ROBO2: variants seen among roughly 807,000 people sequenced by gnomAD.
ROBO2 encodes the protein roundabout homolog 2.
In ROBO2, 53 loss-of-function variants were observed where a neutral mutation model predicts 160.8. That is an observed-to-expected ratio of 0.33 (90% CI 0.26 to 0.41). ROBO2 has a LOEUF of 0.41. Among genes scored for constraint, ROBO2 ranks in the 10% least tolerant of loss-of-function variants. The pLI is 1.00. For missense variants in ROBO2, 1,577 were observed against 1,722.4 expected, an observed-to-expected ratio of 0.92 and a Z score of 1.49; for synonymous variants, 664 against 611.7, an observed-to-expected ratio of 1.09 and a Z score of -1.26.
intron 2 of ROBO2, among the ~76,000 whole-genome samples, chr3:77,287,904 G>C (rs1024663236): frequency 6.6e-6 from 1 of 152,124 alleles, no homozygotes; most frequent in African/African-American, 2.4e-5. Flanking sequence ...ACCACGTACA[G>C]ATTTCATTTT....
chr3:76,462,594 AACTT>A (rs1452487184), intron 2 of ROBO2, among the ~76,000 whole-genome samples: 1 of 148,054 alleles, frequency 6.8e-6, no homozygotes, highest in Non-Finnish European at 1.5e-5. Flanking sequence ...TGTACCCTAA[AACTT>A]AAAGTATTAA....
chr3:76,094,628 T>C (rs1376977860), intron 2 of ROBO2, among the ~76,000 whole-genome samples: 1 of 152,222 alleles, frequency 6.6e-6, no homozygotes, highest in East Asian at 1.9e-4. Flanking sequence ...ACCCCATTGT[T>C]TCTTTGAAAG....
intron 18 of ROBO2, among the ~76,000 whole-genome samples, chr3:77,596,059 T>TA (rs919657558): frequency 6.6e-6 from 1 of 151,816 alleles, no homozygotes; most frequent in African/African-American, 2.4e-5. Flanking sequence ...TTATTACCTT[T>TA]AAAAAAAACC....
At chr3:76,583,997 C>G (rs1405754118) in intron 2 of ROBO2, among the ~76,000 whole-genome samples, 1 of 152,140 alleles carries the variant, frequency 6.6e-6, no homozygotes. Flanking sequence ...ATTTCTTCAT[C>G]TGGGATAGCG....
chr3:76,256,745 A>G (rs1165245996), intron 2 of ROBO2, among the ~76,000 whole-genome samples: 4 of 151,862 alleles, frequency 2.6e-5, no homozygotes, highest in Non-Finnish European at 5.9e-5. Flanking sequence ...ATAAAGAAAC[A>G]CCCGAGACTG....
chr3:77,167,182 GTTA>G (rs1294006596), intron 2 of ROBO2, among the ~76,000 whole-genome samples: 1 of 151,750 alleles, frequency 6.6e-6, no homozygotes, highest in Admixed American at 6.6e-5. Flanking sequence ...ATAAAATTGT[GTTA>G]TTTATTTAAA....
chr3:76,896,467 G>C (rs2074784186), intron 2 of ROBO2, among the ~76,000 whole-genome samples: 1 of 151,886 alleles, frequency 6.6e-6, no homozygotes, highest in Admixed American at 6.6e-5. Context: ...ACAAATATTA[G>C]CAAGACAAAT....
chr3:76,320,706 T>G (rs1023737099), intron 2 of ROBO2, among the ~76,000 whole-genome samples: 2 of 152,218 alleles, frequency 1.3e-5, no homozygotes, highest in African/African-American at 2.4e-5. Flanking sequence ...AGATTTTCAT[T>G]TATCTAACAT....
chr3:77,013,995 TA>T (rs1465889388), intron 2 of ROBO2, among the ~76,000 whole-genome samples: 1 of 152,206 alleles, frequency 6.6e-6, no homozygotes, highest in Admixed American at 6.5e-5. Context: ...CAACAGACTC[TA>T]AACTTTAAAT....
Position 77,428,197 on chromosome 3 carries a change from C to A in ROBO2, c.389-49217C>A, listed in dbSNP as rs150355418. The stretch of plus-strand genomic sequence containing the variant: ...TCCTATTAATTTAGAAAATTGATAT[C>A]TTTTCCCCTTAAAACTATAGGAATT... On this transcript the variant is annotated intron_variant, in intron 2 of 25. Coordinates refer to ENST00000461745, the Ensembl canonical transcript of ROBO2. Among the ~76,000 whole-genome samples, 296 of 152,230 alleles carry A rather than the reference C, an allele frequency of 1.9e-3. 2 individuals carry two copies. The highest frequency in any genetic ancestry group is 5.9e-3 in the African/African-American group (244 of 41,516).
chr3:75,986,951 G>A (rs371088816), intron 2 of ROBO2, among the ~76,000 whole-genome samples: 32 of 151,724 alleles, frequency 2.1e-4, no homozygotes, highest in African/African-American at 7.5e-4. Flanking sequence ...TATGCCTGTG[G>A]CACCCTGTTT....
intron 1 of ROBO2, among the ~76,000 whole-genome samples, chr3:77,086,285 C>T (rs920896980): frequency 6.6e-6 from 1 of 152,046 alleles, no homozygotes; most frequent in African/African-American, 2.4e-5. Flanking sequence ...TGAGTGCTTG[C>T]TGTGTACTCA....
chr3:76,276,223 T>C (rs1458494442), intron 2 of ROBO2, among the ~76,000 whole-genome samples: 1 of 152,044 alleles, frequency 6.6e-6, no homozygotes, highest in Admixed American at 6.6e-5. Flanking sequence ...CCAAGGTATG[T>C]GAAATTCAAT....
intron 2 of ROBO2, among the ~76,000 whole-genome samples, chr3:76,953,926 T>C (rs968850044): frequency 2.0e-5 from 3 of 152,172 alleles, no homozygotes; most frequent in African/African-American, 7.2e-5. Flanking sequence ...TACTCAAAAG[T>C]ACTTTGGCTA....
In ROBO2 at chr3:76,252,329, T is replaced by C. The variant is rs1706056913; in HGVS notation, c.109+314727T>C. On this transcript the variant is annotated intron_variant, in intron 2 of 26. Transcript: ENST00000487694. ...ATCAACCAGACGTAATTGGTGCTAT[T>C]CAATGTATTTGATGCTACTCAATGT... Among the ~76,000 whole-genome samples the C allele has an allele frequency of 3.3e-5, 5 of 152,084 alleles. No homozygotes were observed. In the South Asian group the frequency reaches 1.0e-3, roughly 32 times the overall value.
chr3:76,125,710 T>C (rs1386541779), intron 2 of ROBO2, among the ~76,000 whole-genome samples: 2 of 152,072 alleles, frequency 1.3e-5, no homozygotes, highest in African/African-American at 4.8e-5. Flanking sequence ...CTGGGCCCCA[T>C]ACCCCATTGC....
In ROBO2 at chr3:77,207,205, G is replaced by A. The variant is rs114960761; in HGVS notation, c.388+108865G>A. Among the ~76,000 whole-genome samples the A allele has an allele frequency of 4.6e-3, 692 of 151,984 alleles. 4 individuals are homozygous for A. Among genetic ancestry groups the A allele is most frequent in the African/African-American group, 0.016 (643 of 41,454 alleles). The stretch of plus-strand genomic sequence containing the variant: ...TTACCACTTATCTGCTTCTCTAATC[G>A]TCTCTCTTATAAGAGATCTAAAATT... On this transcript the variant is annotated intron_variant, in intron 2 of 25. Transcript: ENST00000461745.
At chr3:77,317,997 A>G (rs979746013) in intron 2 of ROBO2, among the ~76,000 whole-genome samples, 7 of 151,102 alleles carry the variant, frequency 4.6e-5, no homozygotes, top group African/African-American at 1.7e-4. Context: ...AGGTGGGGTG[A>G]TTTATTTTAT....
intron 2 of ROBO2, among the ~76,000 whole-genome samples, chr3:75,973,725 G>A (rs1360540783): frequency 6.6e-6 from 1 of 151,608 alleles, no homozygotes; most frequent in Non-Finnish European, 1.5e-5. Context: ...TGAAATGACA[G>A]CAGGCCATGG....
Sources: gnomAD v4.1 joint callset for allele counts (sites outside exome capture counted in the v4.1 genomes callset) on GRCh38, gnomAD v4.1.1 for gene constraint, MANE v1.5 for transcripts, NCBI Gene and HGNC (gene_info 2026-07-23, HGNC 2026-07-21) for gene names.